The following KCNQ3 variants were observed in gnomAD, a reference collection of about 807,000 sequenced individuals.
KCNQ3 encodes potassium voltage-gated channel subfamily KQT member 3.
In KCNQ3, 30 loss-of-function variants were observed where a neutral mutation model predicts 92.5. The ratio of observed to expected loss-of-function variants is 0.32; its 90% CI spans 0.24 to 0.44. KCNQ3 has a LOEUF of 0.44. Among genes scored for constraint, KCNQ3 ranks in the 20% least tolerant of loss-of-function variants. The probability of loss-of-function intolerance (pLI) is 1.00; values close to 1 mark genes in which losing one functional copy is unlikely to be tolerated. For synonymous variants in KCNQ3, 450 were observed against 468.8 expected, an observed-to-expected ratio of 0.96 and a Z score of 0.52; for missense variants, 913 against 1,140.3, an observed-to-expected ratio of 0.80 and a Z score of 2.87.
chr8:132,252,770 C>T lies in KCNQ3; in HGVS notation c.387-66589G>A, dbSNP rs896841137. On this transcript the variant is annotated intron_variant, in intron 1 of 14. Transcript: ENST00000388996. ...TACAATCCTTTAACTAGACACAGAG[C>T]GCTGATTGGTGCGTTTACAATCCTT... Among the ~76,000 whole-genome samples the T allele has an allele frequency of 7.7e-4, 117 of 152,212 alleles. 1 individual carries two copies. Among genetic ancestry groups the T allele is most frequent in the African/African-American group, 2.5e-3 (105 of 41,534 alleles).
chr8:132,133,986 G>C (rs1824975307), intron 13 of KCNQ3, among the ~76,000 whole-genome samples: 1 of 152,186 alleles, frequency 6.6e-6, no homozygotes, highest in South Asian at 2.1e-4. Context: ...TTTTCTTCCT[G>C]TTTCAATAAA....
At chr8:132,286,083 C>T (rs1816672035) in intron 1 of KCNQ3, among the ~76,000 whole-genome samples, 1 of 152,196 alleles carries the variant, frequency 6.6e-6, no homozygotes, top group South Asian at 2.1e-4. Flanking sequence ...AGCCTGTGAA[C>T]CCAGGCAAAA....
At chr8:132,401,978 G>A (rs2721901) in intron 1 of KCNQ3, among the ~76,000 whole-genome samples, 85,247 of 151,746 alleles carry the variant, frequency 0.56, 25,553 homozygotes, top group South Asian at 0.73. Context: ...TCGGGCAGTT[G>A]CTAGAGCCAA....
intron 9 of KCNQ3, among the ~76,000 whole-genome samples, chr8:132,147,531 A>G (rs1825489759): frequency 6.6e-6 from 1 of 152,164 alleles, no homozygotes; most frequent in South Asian, 2.1e-4. Context: ...TCTGGTACAC[A>G]GGAGTGTCTT....
intron 1 of KCNQ3, among the ~76,000 whole-genome samples, chr8:132,464,442 T>C (rs937063386): frequency 6.6e-6 from 1 of 152,226 alleles, no homozygotes; most frequent in Non-Finnish European, 1.5e-5. Flanking sequence ...TATCAGGCTC[T>C]GGAATGCAGA....
At chr8:132,134,473 G>T in intron 12 of KCNQ3, 85 bp from the exon 13 acceptor site, 1 of 985,492 alleles carries the variant, frequency 1.0e-6, no homozygotes, top group Non-Finnish European at 1.6e-6. Context: ...TCTCTAGAAT[G>T]AGATAAGGGT....
At chr8:132,338,937 G>C (rs1019277542) in intron 1 of KCNQ3, among the ~76,000 whole-genome samples, 1 of 152,162 alleles carries the variant, frequency 6.6e-6, no homozygotes, top group African/African-American at 2.4e-5. Context: ...CAGCTAGCTT[G>C]GTCTTGTGAA....
At chr8:132,375,846 T>G (rs1394439291) in intron 1 of KCNQ3, among the ~76,000 whole-genome samples, 2 of 152,166 alleles carry the variant, frequency 1.3e-5, no homozygotes, top group African/African-American at 4.8e-5. Flanking sequence ...ATCACCCCCA[T>G]GCCAGGTAAA....
chr8:132,130,146 G>C (rs574739377), intron 14 of KCNQ3, 150 bp from the exon 15 acceptor site: 1 of 895,878 alleles, frequency 1.1e-6, no homozygotes, highest in Non-Finnish European at 1.7e-6. Flanking sequence ...GCAGTGGCGC[G>C]ATCTGGGCTC....
At chr8:132,186,948 G>C (rs866055917) in intron 1 of KCNQ3, among the ~76,000 whole-genome samples, 3 of 112,274 alleles carry the variant, frequency 2.7e-5, no homozygotes, top group Admixed American at 1.6e-4. Context: ...GAGAGAGAGA[G>C]AGAGAGACAG....
intron 1 of KCNQ3, among the ~76,000 whole-genome samples, chr8:132,251,293 C>T (rs1248004396): frequency 1.3e-5 from 2 of 152,026 alleles, no homozygotes; most frequent in Admixed American, 6.5e-5. Flanking sequence ...TTTGTATTGC[C>T]CTCCAAAAAA....
At chr8:132,422,099 G>A (rs1204262589) in intron 1 of KCNQ3, among the ~76,000 whole-genome samples, 1 of 152,128 alleles carries the variant, frequency 6.6e-6, no homozygotes, top group Non-Finnish European at 1.5e-5. Context: ...ATGACTGCCT[G>A]CCAACACCAG....
In KCNQ3 at chr8:132,480,297, C is replaced by G; in HGVS notation, c.236G>C (p.Arg79Pro). 1 of 1,605,568 alleles carries G rather than the reference C, an allele frequency of 6.2e-7. No homozygotes were observed. The highest frequency in any genetic ancestry group is 1.7e-5 in the Admixed American group (1 of 59,414). ...GAGCCCGATGCCCTGCGGGGTCCTC[C>G]GCTGCCCCTCGTCGCGGCCGCCGCC... Reference protein sequence around the residue: ...LEGGGRDEGQRRTPQGIGLLA... With the variant: ...LEGGGRDEGQPRTPQGIGLLA... Residue 79 changes from arginine (R) to proline (P), a missense_variant, in exon 1 of 15, where the codon CGG (arginine) becomes CCG (proline). Physicochemically the swap from Arg to Pro is moderately radical, Grantham distance 103. This residue lies in a region of KCNQ3 where 183 missense variants were observed against 167.7 expected (regional missense o/e 1.09). Coordinates refer to ENST00000388996, the MANE Select transcript of KCNQ3 (RefSeq NM_004519.4).
At chr8:132,396,312 T>C (rs1820193281) in intron 1 of KCNQ3, among the ~76,000 whole-genome samples, 1 of 151,688 alleles carries the variant, frequency 6.6e-6, no homozygotes, top group Non-Finnish European at 1.5e-5. Flanking sequence ...CTCTGCAACT[T>C]AGAACTGATC....
intron 1 of KCNQ3, among the ~76,000 whole-genome samples, chr8:132,208,359 C>T (rs1003774475): frequency 6.6e-6 from 1 of 151,944 alleles, no homozygotes; most frequent in Non-Finnish European, 1.5e-5. Flanking sequence ...TAAAAAAAAC[C>T]GCACAGCATT....
chr8:132,287,008 C>T (rs1405136193), intron 1 of KCNQ3, among the ~76,000 whole-genome samples: 1 of 152,152 alleles, frequency 6.6e-6, no homozygotes, highest in East Asian at 1.9e-4. Flanking sequence ...CTTGAACTTG[C>T]CAGCCTCCAG....
At chr8:132,339,881 A>T (rs1818470077) in intron 1 of KCNQ3, among the ~76,000 whole-genome samples, 1 of 152,022 alleles carries the variant, frequency 6.6e-6, no homozygotes, top group African/African-American at 2.4e-5. Context: ...TTATAAACCC[A>T]AACCTATGAG....
In KCNQ3 at chr8:132,124,591, C is replaced by G. The variant is rs981333102; in HGVS notation, c.*4671G>C. 4.6e-5 allele frequency: 7 copies of G among 152,238 alleles called. No homozygotes were observed. The highest frequency in any genetic ancestry group is 1.7e-4 in the African/African-American group (7 of 41,444). The allele number at this position is 152,238 out of a possible 1,614,324, so 9.4% of individuals were successfully genotyped here. ...TAGCCTGGTCCTAACATGTTCTAAACTGGGCATTAGTGAGGGGCTGCCTGC... is the reference window on the plus strand; with the variant it reads ...TAGCCTGGTCCTAACATGTTCTAAAGTGGGCATTAGTGAGGGGCTGCCTGC... On this transcript the variant is annotated 3_prime_UTR_variant, in exon 15 of 15. Coordinates refer to ENST00000388996, the MANE Select transcript of KCNQ3 (RefSeq NM_004519.4).
chr8:132,132,044 C>G lies in KCNQ3; in HGVS notation c.1884+136G>C, dbSNP rs183416047. ...CAGAGGTTGCAGTGAGTCAAGATCG[C>G]GCCATTGCACTCCAGCCTGGGCAAC... On this transcript the variant is annotated intron_variant, in intron 14 of 14. Coordinates refer to ENST00000388996, the MANE Select transcript of KCNQ3 (RefSeq NM_004519.4). 65 of 672,184 alleles carry G rather than the reference C, an allele frequency of 9.7e-5. 1 individual carries two copies. Among genetic ancestry groups the G allele is most frequent in the Admixed American group, 9.2e-4 (40 of 43,558 alleles). The allele number at this position is 672,184 out of a possible 1,614,324, so 41.6% of individuals were successfully genotyped here. A position where few individuals can be genotyped will look rare whatever the true frequency, so the allele number is the denominator to read the frequency against.
Sources: allele counts gnomAD v4.1 joint callset (sites outside exome capture counted in the v4.1 genomes callset), GRCh38; gene constraint gnomAD v4.1.1; regional missense constraint gnomAD v4.1.1; transcripts MANE v1.5; gene names NCBI Gene and HGNC (gene_info 2026-07-23, HGNC 2026-07-21).